RBFOX1: variants seen among roughly 807,000 people sequenced by gnomAD.
RBFOX1 encodes the protein RNA binding fox-1 homolog 1.
In RBFOX1, 8 loss-of-function variants were observed where a neutral mutation model predicts 57.7. The ratio of observed to expected loss-of-function variants is 0.14; its 90% CI spans 0.08 to 0.25. The LOEUF (loss-of-function observed/expected upper bound fraction) is 0.25. Ranked by LOEUF, RBFOX1 falls within the 10% of genes least tolerant of loss-of-function variation. The pLI is 1.00. For synonymous variants in RBFOX1, 326 were observed against 222.4 expected (o/e 1.47, Z -4.15); for missense variants, 611 against 548.5 (o/e 1.11, Z -1.14).
At position 5,496,427 on chromosome 16, in the gene RBFOX1, C is replaced by T. The variant is rs553258747; in HGVS notation, c.258+29173C>T. Among the ~76,000 whole-genome samples the T allele has an allele frequency of 2.0e-5, 3 of 152,190 alleles. No individual in the cohort carries two copies. The East Asian group carries it at 5.8e-4, about 30-fold the overall frequency. On this transcript the variant is annotated intron_variant, in intron 2 of 2. Coordinates refer to the RBFOX1 transcript ENST00000585867. ...ACATGCCCAGCTCCTTCTCACTATT[C>T]AGCTTCATCTCGAATGTGTCCATCT...
intron 2 of RBFOX1, among the ~76,000 whole-genome samples, chr16:6,546,407 C>G (rs1275294771): frequency 6.6e-6 from 1 of 152,168 alleles, no homozygotes; most frequent in Non-Finnish European, 1.5e-5. Flanking sequence ...CCAAGGAGCC[C>G]AAAGTCAGGG....
chr16:5,321,711 T>G (rs1373339180), intron 1 of RBFOX1, among the ~76,000 whole-genome samples: 3 of 152,134 alleles, frequency 2.0e-5, no homozygotes, highest in Non-Finnish European at 4.4e-5. Context: ...ATCTTCCTCC[T>G]TCCACACCTG....
chr16:7,270,756 C>G (rs906775060), intron 4 of RBFOX1, among the ~76,000 whole-genome samples: 1 of 152,210 alleles, frequency 6.6e-6, no homozygotes, highest in Admixed American at 6.5e-5. Context: ...CCCACTGATG[C>G]TTCACCTTGC....
intron 2 of RBFOX1, among the ~76,000 whole-genome samples, chr16:6,595,738 C>A (rs767860833): frequency 6.6e-6 from 1 of 152,034 alleles, no homozygotes; most frequent in Non-Finnish European, 1.5e-5. Context: ...TTCTCTTTGA[C>A]AATAGCCATT....
chr16:5,331,227 C>T (rs11644405), intron 1 of RBFOX1, among the ~76,000 whole-genome samples: 132,510 of 152,216 alleles, frequency 0.87, 60,693 homozygotes, highest in East Asian at 1. Context: ...TGGCCCAGCT[C>T]GGGAAGGTTT....
chr16:6,135,393 A>G (rs1272091108), intron 1 of RBFOX1, among the ~76,000 whole-genome samples: 2 of 152,182 alleles, frequency 1.3e-5, no homozygotes, highest in African/African-American at 4.8e-5. Flanking sequence ...TGCAGGTATT[A>G]TTATTATTTA....
chr16:6,723,564 A>C (rs1408092990), intron 3 of RBFOX1, among the ~76,000 whole-genome samples: 1 of 152,182 alleles, frequency 6.6e-6, no homozygotes, highest in Non-Finnish European at 1.5e-5. Flanking sequence ...TCATTGGTTT[A>C]CTTTGGAGAA....
chr16:6,241,193 G>T lies in RBFOX1; in HGVS notation c.-126-75802G>T, dbSNP rs1049076786. 2.0e-5 allele frequency among the ~76,000 whole-genome samples: 3 copies of T among 152,166 alleles called. No individual in the cohort carries two copies. The East Asian group carries it at 5.8e-4, about 29-fold the overall frequency. ...CCAGAGATAAAAATAAGCGAAATAT[G>T]CAAATTCCCGTTCAGACGGGGCACT... is the stretch of plus-strand genomic sequence containing the variant. On this transcript the variant is annotated intron_variant, in intron 1 of 15. Transcript: ENST00000550418.
At chr16:6,444,261 C>G (rs1281301328) in intron 2 of RBFOX1, among the ~76,000 whole-genome samples, 1 of 152,066 alleles carries the variant, frequency 6.6e-6, no homozygotes, top group African/African-American at 2.4e-5. Flanking sequence ...CTCCCCAGGA[C>G]CCGGCACAAT....
At chr16:5,674,148 T>C (rs1423830477) in intron 3 of RBFOX1, among the ~76,000 whole-genome samples, 1 of 152,214 alleles carries the variant, frequency 6.6e-6, no homozygotes, top group Non-Finnish European at 1.5e-5. Flanking sequence ...TTCATTGTTC[T>C]TAGGGTCTAG....
chr16:5,538,319 C>A (rs1218873590), intron 2 of RBFOX1, among the ~76,000 whole-genome samples: 1 of 152,180 alleles, frequency 6.6e-6, no homozygotes, highest in Non-Finnish European at 1.5e-5. Flanking sequence ...ATGAAAATAG[C>A]ATCCACCAAA....
chr16:6,089,717 C>T (rs138906076), intron 1 of RBFOX1, among the ~76,000 whole-genome samples: 4 of 152,160 alleles, frequency 2.6e-5, no homozygotes, highest in South Asian at 2.1e-4. Flanking sequence ...GAAGCACAAA[C>T]GGGTAAGTCA....
rs1351587009 is a variant in RBFOX1 at position 5,242,517 on chromosome 16, A to G, written c.219+2412A>G. Among the ~76,000 whole-genome samples, 5 of 152,236 alleles carry G rather than the reference A, an allele frequency of 3.3e-5. No homozygotes were observed. The South Asian group carries it at 6.2e-4, about 19-fold the overall frequency. ...TGGGAATACTCTCTTTGAAGAACCCATGAAGCAGTGTCAGGCTGGTGTGAG... is the reference window on the plus strand; with the variant it reads ...TGGGAATACTCTCTTTGAAGAACCCGTGAAGCAGTGTCAGGCTGGTGTGAG... On this transcript the variant is annotated intron_variant, in intron 1 of 2. Transcript: ENST00000585867.
intron 3 of RBFOX1, among the ~76,000 whole-genome samples, chr16:5,781,715 A>G (rs1472784252): frequency 1.3e-5 from 2 of 152,244 alleles, no homozygotes; most frequent in African/African-American, 2.4e-5. Context: ...CCTGTGGGCT[A>G]TATTTGAAAG....
chr16:7,108,739 T>C (rs2064077482), intron 4 of RBFOX1, among the ~76,000 whole-genome samples: 1 of 152,160 alleles, frequency 6.6e-6, no homozygotes, highest in Admixed American at 6.5e-5. Context: ...CTAGTGGAAA[T>C]TTATCTTGGA....
At chr16:5,564,230 C>A (rs1450548389) in intron 2 of RBFOX1, among the ~76,000 whole-genome samples, 1 of 152,000 alleles carries the variant, frequency 6.6e-6, no homozygotes, top group Non-Finnish European at 1.5e-5. Flanking sequence ...GTTGGCCAGG[C>A]TGGTCTTGAA....
intron 2 of RBFOX1, among the ~76,000 whole-genome samples, chr16:5,590,380 T>G (rs188676278): frequency 2.0e-5 from 3 of 152,310 alleles, no homozygotes; most frequent in Admixed American, 2.0e-4. Context: ...GAGTTTAATC[T>G]GACATTTACA....
intron 4 of RBFOX1, among the ~76,000 whole-genome samples, chr16:5,986,063 T>C (rs2152315013): frequency 6.6e-6 from 1 of 151,660 alleles, no homozygotes; most frequent in South Asian, 2.1e-4. Context: ...TCTTTACTTT[T>C]TTTTTTTTTT....
chr16:7,252,730 C>G (rs549555482), intron 4 of RBFOX1, among the ~76,000 whole-genome samples: 2 of 150,790 alleles, frequency 1.3e-5, no homozygotes, highest in Admixed American at 1.3e-4. Context: ...TCACCCAACG[C>G]TAAAGGTATT....
Sources: gnomAD v4.1 joint callset for allele counts (sites outside exome capture counted in the v4.1 genomes callset) on GRCh38, gnomAD v4.1.1 for gene constraint, MANE v1.5 for transcripts, NCBI Gene and HGNC (gene_info 2026-07-23, HGNC 2026-07-21) for gene names.